RIMBP2: variants seen among roughly 807,000 people sequenced by gnomAD.
RIMBP2 encodes RIMS binding protein 2.
Under a neutral mutation model 118.6 loss-of-function variants are expected in RIMBP2, and 48 were observed. The observed-to-expected ratio is 0.40, with a 90% CI of 0.32 to 0.51. The LOEUF (loss-of-function observed/expected upper bound fraction) is 0.51, where lower values mean the gene tolerates loss of function less well. Among genes scored for constraint, RIMBP2 ranks in the 20% least tolerant of loss-of-function variants. The pLI, the probability that RIMBP2 is intolerant of heterozygous loss-of-function variation, is 0.41. For synonymous variants in RIMBP2, 762 were observed against 742.9 expected (o/e 1.03, Z -0.42); for missense variants, 1,551 against 1,768.3 (o/e 0.88, Z 2.20).
chr12:130,441,447 A>AATTATTATT (rs1555251246), intron 11 of RIMBP2, among the ~76,000 whole-genome samples: 8 of 141,056 alleles, frequency 5.7e-5, no homozygotes, highest in African/African-American at 2.1e-4. Flanking sequence ...TAATAATAAT[A>AATTATTATT]ATTTACAAGG....
intron 6 of RIMBP2, among the ~76,000 whole-genome samples, chr12:130,458,495 C>T (rs1364780829): frequency 2.6e-5 from 4 of 152,080 alleles, no homozygotes; most frequent in South Asian, 2.1e-4. Context: ...GACAGAGTGA[C>T]GGGCCCTGCA....
intron 2 of RIMBP2, among the ~76,000 whole-genome samples, chr12:130,557,254 G>A (rs972773490): frequency 6.6e-6 from 1 of 152,082 alleles, no homozygotes; most frequent in African/African-American, 2.4e-5. Context: ...GGAGAGGCCT[G>A]CAGTGGAGCC....
chr12:130,424,330 CA>C lies in RIMBP2; in HGVS notation c.2940del (p.Gly981ValfsTer40). The C allele has an allele frequency of 8.1e-7, 1 of 1,232,004 alleles. No individual in the cohort carries two copies. Among genetic ancestry groups the C allele is most frequent in the Non-Finnish European group, 1.0e-6 (1 of 987,876 alleles). The allele number at this position is 1,232,004 out of a possible 1,614,324, so 76.3% of individuals were successfully genotyped here. A position where few individuals can be genotyped will look rare whatever the true frequency, so the allele number is the denominator to read the frequency against. On this transcript the variant is annotated frameshift_variant, in exon 16 of 23. Coordinates refer to ENST00000690449, the MANE Select transcript of RIMBP2 (RefSeq NM_001393629.1). LOFTEE classifies it high-confidence loss of function. The surrounding 1 kb of genome is among the most constrained non-coding windows in gnomAD (Gnocchi z 9.8). ...GGGTCGTCGTTCCTGAGGAGGCCACCAGGGCCCACCTGCTCCCCAAAGTCCT... is the reference window on the plus strand; with the variant it reads ...GGGTCGTCGTTCCTGAGGAGGCCACCGGGCCCACCTGCTCCCCAAAGTCCT... Reference protein sequence around the residue: ...VEEDFGEQVGPGGLLRNDDPQ... With the variant: ...VEEDFGEQVGXGGLLRNDDPQ...
chr12:130,399,576 A>T, intron 22 of RIMBP2, 103 bp downstream of exon 22: 2 of 1,363,280 alleles, frequency 1.5e-6, no homozygotes, highest in Non-Finnish European at 1.0e-6. Context: ...GGGTGTATTT[A>T]CGCTTTTCGG....
chr12:130,444,936 A>G (rs1441342043), intron 10 of RIMBP2, among the ~76,000 whole-genome samples: 1 of 152,256 alleles, frequency 6.6e-6, no homozygotes, highest in Non-Finnish European at 1.5e-5. Context: ...ACCATGTGTC[A>G]GAGGTCAGCT....
intron 1 of RIMBP2, among the ~76,000 whole-genome samples, chr12:130,655,766 G>A (rs1274404101): frequency 3.3e-5 from 5 of 152,142 alleles, no homozygotes; most frequent in African/African-American, 7.2e-5. Flanking sequence ...TCAGCTCCTC[G>A]AATTTGCCCT....
At position 130,450,652 on chromosome 12, in the gene RIMBP2, C is replaced by T. The variant is rs555823757; in HGVS notation, c.505-376G>A. Among the ~76,000 whole-genome samples the T allele has an allele frequency of 2.0e-5, 3 of 148,040 alleles. No homozygotes were observed. Among genetic ancestry groups the T allele is most frequent in the African/African-American group, 7.5e-5 (3 of 39,760 alleles). On this transcript the variant is annotated intron_variant, in intron 8 of 22. Transcript: ENST00000690449. This position sits in a 1 kb window ranked among gnomAD's most constrained non-coding sequence, Gnocchi z 4.8. ...TGTGCACGACCCCCCAGTGATCCCA[C>T]TCTCACTCCCCCTAGTGCATTCCCC...
At chr12:130,441,258 G>A (rs1020479206) in intron 11 of RIMBP2, among the ~76,000 whole-genome samples, 21 of 151,812 alleles carry the variant, frequency 1.4e-4, no homozygotes, top group African/African-American at 3.6e-4. Context: ...AAAATTAGCC[G>A]AGCGTGGCGG....
At chr12:130,423,260 G>T (rs1375179117) in intron 16 of RIMBP2, among the ~76,000 whole-genome samples, 1 of 152,222 alleles carries the variant, frequency 6.6e-6, no homozygotes. Flanking sequence ...ATGGTGGGAA[G>T]GGAGTCCGGG....
intron 1 of RIMBP2, among the ~76,000 whole-genome samples, chr12:130,650,189 A>G (rs958533173): frequency 6.6e-6 from 1 of 152,030 alleles, no homozygotes; most frequent in African/African-American, 2.4e-5. Context: ...GCAGCTTGCA[A>G]GCTGTCCAAA....
intron 21 of RIMBP2, 136 bp downstream of exon 21, chr12:130,406,036 A>C (rs2075139830): frequency 3.2e-6 from 2 of 631,488 alleles, no homozygotes; most frequent in Admixed American, 6.0e-5. Context: ...AACTCAGCCA[A>C]TTAAGCAAAG....
intron 2 of RIMBP2, among the ~76,000 whole-genome samples, chr12:130,520,490 C>T (rs952310892): frequency 2.6e-5 from 4 of 151,034 alleles, no homozygotes; most frequent in African/African-American, 4.9e-5. Context: ...GGTGAAACCC[C>T]GCCTCTACTA....
intron 2 of RIMBP2, among the ~76,000 whole-genome samples, chr12:130,537,634 C>T (rs764423893): frequency 3.7e-4 from 57 of 152,184 alleles, no homozygotes; most frequent in Non-Finnish European, 7.2e-4. Flanking sequence ...AGAAGGAAAA[C>T]GAAAGTGAGT....
chr12:130,400,113 T>C (rs2074386540), intron 21 of RIMBP2, among the ~76,000 whole-genome samples: 1 of 152,154 alleles, frequency 6.6e-6, no homozygotes, highest in African/African-American at 2.4e-5. Context: ...GAAACACTCC[T>C]TGGCAGATCT....
intron 2 of RIMBP2, among the ~76,000 whole-genome samples, chr12:130,597,558 C>A (rs139721726): frequency 1.2e-4 from 18 of 152,194 alleles, no homozygotes; most frequent in African/African-American, 3.9e-4. Flanking sequence ...CCCATCTTAA[C>A]CAAATAGAGT....
Position 130,422,574 on chromosome 12 carries a change from C to A in RIMBP2, c.3130-13G>T. On this transcript the variant is annotated splice_polypyrimidine_tract_variant and intron_variant, in intron 16 of 22. Coordinates refer to ENST00000690449, the MANE Select transcript of RIMBP2 (RefSeq NM_001393629.1). This position sits in a 1 kb window ranked among gnomAD's most constrained non-coding sequence, Gnocchi z 5.2. Reference sequence around the variant, plus strand: ...GGTTCCCTAAAATCTAAAGACAAAACAACAACAAAGTCGTAAGTCTCGCCA... The same window carrying A: ...GGTTCCCTAAAATCTAAAGACAAAAAAACAACAAAGTCGTAAGTCTCGCCA... 1 of 1,578,936 alleles carries A rather than the reference C, an allele frequency of 6.3e-7. No homozygotes were observed. Among genetic ancestry groups the A allele is most frequent in the Non-Finnish European group, 8.7e-7 (1 of 1,156,060 alleles).
chr12:130,400,176 A>G (rs752081123), intron 21 of RIMBP2, among the ~76,000 whole-genome samples: 1 of 152,036 alleles, frequency 6.6e-6, no homozygotes, highest in African/African-American at 2.4e-5. Flanking sequence ...AGCTGCTAAA[A>G]ACACATCGCT....
At chr12:130,567,408 C>A (rs1279283514) in intron 2 of RIMBP2, among the ~76,000 whole-genome samples, 1 of 152,176 alleles carries the variant, frequency 6.6e-6, no homozygotes, top group East Asian at 1.9e-4. Context: ...CATGACATCA[C>A]CATGTTAGGA....
rs180958299 is a variant in RIMBP2, at chr12:130,440,819, G to A, written c.1504+1029C>T. Among the ~76,000 whole-genome samples, 42 of 152,322 alleles carry A rather than the reference G, an allele frequency of 2.8e-4. No homozygotes were observed. The East Asian group carries it at 7.9e-3, about 29-fold the overall frequency. ...TGTCCCACCTACCCCTGACACCACT[G>A]CTCTGTCAGGCTCTAGCTGACCAAA... On this transcript the variant is annotated intron_variant, in intron 11 of 22. Coordinates refer to ENST00000690449, the MANE Select transcript of RIMBP2 (RefSeq NM_001393629.1).
Sources: gnomAD v4.1 joint callset for allele counts (sites outside exome capture counted in the v4.1 genomes callset) on GRCh38, gnomAD v4.1.1 for gene constraint, Gnocchi (gnomAD v3.1) non-coding constraint, MANE v1.5 for transcripts, NCBI Gene and HGNC (gene_info 2026-07-23, HGNC 2026-07-21) for gene names.